COL11A2: variants seen among roughly 807,000 people sequenced by gnomAD.
COL11A2 encodes collagen alpha-2(XI) chain.
In COL11A2, 116 loss-of-function variants were observed where a neutral mutation model predicts 273.4. The ratio of observed to expected loss-of-function variants is 0.42; its 90% confidence interval spans 0.36 to 0.49. The LOEUF (loss-of-function observed/expected upper bound fraction) is 0.49. Among genes scored for constraint, COL11A2 ranks in the 20% least tolerant of loss-of-function variants. The pLI, the probability that COL11A2 is intolerant of heterozygous loss-of-function variation, is 0.00. For synonymous variants in COL11A2, 782 were observed against 864.2 expected (o/e 0.90, Z 1.67); for missense variants, 1,866 against 2,309.0 (o/e 0.81, Z 3.93).
chr6:33,188,884 G>A (rs1349027242), intron 3 of COL11A2, 94 bp downstream of exon 3: 1 of 1,396,778 alleles, frequency 7.2e-7, no homozygotes. Flanking sequence ...GGCCCAAAGG[G>A]TCTCAAGGGT....
Position 33,167,390 on chromosome 6 carries a change from C to T in COL11A2, c.4122+36G>A. ...TGCACCCCTCCCATGGCCCCTCACT[C>T]CCACCCCAGCCCAGCCCTTCCCTGC... On this transcript the variant is annotated intron_variant, in intron 56 of 65. Transcript: ENST00000341947. The surrounding 1 kb of genome is among the most constrained non-coding windows in gnomAD (Gnocchi z 6.1). The T allele has an allele frequency of 6.3e-7, 1 of 1,576,462 alleles. No individual in the cohort carries two copies. Among genetic ancestry groups the T allele is most frequent in the Non-Finnish European group, 8.7e-7 (1 of 1,147,118 alleles).
rs1021370089 is a variant in COL11A2 at position 33,176,246 on chromosome 6, G to C, written c.2214+13C>G. 3.1e-6 allele frequency: 5 copies of C among 1,608,458 alleles called. No individual in the cohort carries two copies. Among genetic ancestry groups the C allele is most frequent in the Non-Finnish European group, 4.2e-6 (5 of 1,177,766 alleles). The stretch of plus-strand genomic sequence containing the variant: ...GGACTGAGGTGCTGGGAAGCTGGGG[G>C]CATGGTGCTCACCTTCTCACCCTTA... On this transcript the variant is annotated intron_variant, in intron 28 of 65. Transcript: ENST00000341947. This position sits in a 1 kb window ranked among gnomAD's most constrained non-coding sequence, Gnocchi z 4.9.
Position 33,167,572 on chromosome 6 carries a change from G to T in COL11A2, c.4015-39C>A, listed in dbSNP as rs764083477. 5 of 1,608,284 alleles carry T rather than the reference G, an allele frequency of 3.1e-6. No individual in the cohort carries two copies. In the Admixed American group the frequency reaches 8.4e-5, roughly 27 times the overall value. The stretch of plus-strand genomic sequence containing the variant: ...AAGGAATGTGTCCTGAATGGCAGAG[G>T]AGTGGGGTGTGGGCAGGGGGCAGAG... On this transcript the variant is annotated intron_variant, in intron 55 of 65. Transcript: ENST00000341947. The surrounding 1 kb of genome is among the most constrained non-coding windows in gnomAD (Gnocchi z 6.1).
Position 33,177,542 on chromosome 6 carries a change from CAGCGATAGCCAAGA to C in COL11A2, c.1918-91_1918-78del, listed in dbSNP as rs1389161937. On this transcript the variant is annotated intron_variant, in intron 22 of 65. Coordinates refer to ENST00000341947, the MANE Select transcript of COL11A2 (RefSeq NM_080680.3). This position sits in a 1 kb window ranked among gnomAD's most constrained non-coding sequence, Gnocchi z 5.9. ...TTTAGAGCATGGAGCTGAGTCCCAGCAGCGATAGCCAAGAAGGCAAGAGCAGGAAGCAGGCAGGG... is the reference window on the plus strand; with the variant it reads ...TTTAGAGCATGGAGCTGAGTCCCAGCAGGCAAGAGCAGGAAGCAGGCAGGG... 5.0e-6 allele frequency: 8 copies of C among 1,588,728 alleles called. No homozygotes were observed. The African/African-American group carries it at 8.1e-5, about 16-fold the overall frequency.
intron 8 of COL11A2, among the ~76,000 whole-genome samples, chr6:33,183,720 CAT>C (rs1772003176): frequency 6.6e-6 from 1 of 152,112 alleles, no homozygotes; most frequent in Non-Finnish European, 1.5e-5. Context: ...AAAAAGGTGA[CAT>C]AGGAAGTTAG....
Position 33,176,412 on chromosome 6 carries a change from C to G in COL11A2, c.2169+21G>C. On this transcript the variant is annotated intron_variant, in intron 27 of 65. Coordinates refer to ENST00000341947, the MANE Select transcript of COL11A2 (RefSeq NM_080680.3). The surrounding 1 kb of genome is among the most constrained non-coding windows in gnomAD (Gnocchi z 4.9). The stretch of plus-strand genomic sequence containing the variant: ...CTCCCCTGACCACAGCCCTTTGTCT[C>G]CCAGCCTGGTGGTCAGTTACCTTGA... 6.2e-7 allele frequency: 1 copy of G among 1,611,886 alleles called. No homozygotes were observed.
In COL11A2 at chr6:33,173,588, G is replaced by GT; in HGVS notation, c.2629-34_2629-33insA. The GT allele has an allele frequency of 8.9e-7, 1 of 1,123,216 alleles. No homozygotes were observed. Among genetic ancestry groups the GT allele is most frequent in the Non-Finnish European group, 1.3e-6 (1 of 776,472 alleles). 69.6% of individuals were successfully genotyped at this position (1,123,216 alleles called of 1,614,324 possible). Reference sequence around the variant, plus strand: ...CAGAGGTGGGGGGAGTCAGGAGAATGGGGGCAGGGGCTGAGTGGGGGAACT... The same window carrying GT: ...CAGAGGTGGGGGGAGTCAGGAGAATGTGGGGCAGGGGCTGAGTGGGGGAACT... On this transcript the variant is annotated intron_variant, in intron 35 of 65. Transcript: ENST00000341947. This position sits in a 1 kb window ranked among gnomAD's most constrained non-coding sequence, Gnocchi z 6.3.
At position 33,176,635 on chromosome 6, in the gene COL11A2, AAT is replaced by A; in HGVS notation, c.2115+84_2115+85del. ...GAGAATGTGGCAGAGCCATATGAAT[AAT>A]GAGACAAGGGAATCCCAAGGACTTT... On this transcript the variant is annotated intron_variant, in intron 26 of 65. Transcript: ENST00000341947. This position sits in a 1 kb window ranked among gnomAD's most constrained non-coding sequence, Gnocchi z 4.9. 6.9e-7 allele frequency: 1 copy of A among 1,440,392 alleles called. No individual in the cohort carries two copies. The highest frequency in any genetic ancestry group is 9.7e-7 in the Non-Finnish European group (1 of 1,033,132). The allele number at this position is 1,440,392 out of a possible 1,614,324, so 89.2% of individuals were successfully genotyped here. A position where few individuals can be genotyped will look rare whatever the true frequency, so the allele number is the denominator to read the frequency against.
Position 33,188,491 on chromosome 6 carries a change from C to G in COL11A2, c.477G>C (p.Gln159His). 1 of 1,613,090 alleles carries G rather than the reference C, an allele frequency of 6.2e-7. No individual in the cohort carries two copies. Among genetic ancestry groups the G allele is most frequent in the South Asian group, 1.1e-5 (1 of 91,086 alleles). The change falls in exon 4 of 66, where the codon CAG (glutamine) becomes CAC (histidine). Residue 159 changes from glutamine (Q) to histidine (H), a missense_variant. Physicochemically the swap from Gln to His is conservative, Grantham distance 24 (BLOSUM62 0). Transcript: ENST00000341947. ...TGCAGTCAACAATGAGGGTGACAGA[C>G]TGGCCCTTCACAGCCACAGCCACAC... ...WHRVAVAVKGQSVTLIVDCKK... is the reference protein window; with the variant it reads ...WHRVAVAVKGHSVTLIVDCKK...
Position 33,164,467 on chromosome 6 carries a change from A to G in COL11A2, c.4870T>C (p.Tyr1624His). 6.5e-7 allele frequency: 1 copy of G among 1,549,620 alleles called. No individual in the cohort carries two copies. Among genetic ancestry groups the G allele is most frequent in the Non-Finnish European group, 8.7e-7 (1 of 1,144,836 alleles). ...ACTGGGGAGCCCTCTGAGTCCACGT[A>G]AGAGAACTGGAAGGAGAGAGAGGGC... ...TPRDDVTQFS[Y>H]VDSEGSPVGV... Residue 1624 changes from tyrosine to histidine, a missense_variant, in exon 65 of 66, where the codon TAC becomes CAC. By Grantham distance (83) the Tyr-to-His change is moderately conservative. Coordinates refer to ENST00000341947, the MANE Select transcript of COL11A2 (RefSeq NM_080680.3). This position sits in a 1 kb window ranked among gnomAD's most constrained non-coding sequence, Gnocchi z 4.7.
rs954747508 is a variant in COL11A2, at chr6:33,170,459, A to G, written c.3529-80T>C. 32 of 1,506,892 alleles carry G rather than the reference A, an allele frequency of 2.1e-5. No individual in the cohort carries two copies. The highest frequency in any genetic ancestry group is 2.9e-5 in the Non-Finnish European group (32 of 1,109,418). 93.3% of individuals were successfully genotyped at this position (1,506,892 alleles called of 1,614,324 possible). A position where few individuals can be genotyped will look rare whatever the true frequency, so the allele number is the denominator to read the frequency against. ...GAATGGTGGAGAGAGGAGGAGGAGC[A>G]GCCAGGCCAGGGAGTTGGCAGTGGG... On this transcript the variant is annotated intron_variant, in intron 47 of 65. Coordinates refer to ENST00000341947, the MANE Select transcript of COL11A2 (RefSeq NM_080680.3). This position sits in a 1 kb window ranked among gnomAD's most constrained non-coding sequence, Gnocchi z 4.3.
At position 33,169,805 on chromosome 6, in the gene COL11A2, A is replaced by C. The variant is rs749633696; in HGVS notation, c.3690+26T>G. On this transcript the variant is annotated intron_variant, in intron 50 of 65. Transcript: ENST00000341947. This position sits in a 1 kb window ranked among gnomAD's most constrained non-coding sequence, Gnocchi z 5.5. ...TTGAGGCGGGTGACGGGGACTGGGG[A>C]GTAAGGCCTTGGAGCTGTCACTCAC... The C allele has an allele frequency of 6.2e-6, 10 of 1,613,774 alleles. No individual in the cohort carries two copies. Among genetic ancestry groups the C allele is most frequent in the Non-Finnish European group, 8.5e-6 (10 of 1,179,812 alleles).
chr6:33,166,889 G>A lies in COL11A2; in HGVS notation c.4231-62C>T. 1.9e-6 allele frequency: 3 copies of A among 1,569,796 alleles called. No individual in the cohort carries two copies. In the South Asian group the frequency reaches 3.4e-5, roughly 18 times the overall value. On this transcript the variant is annotated intron_variant, in intron 58 of 65. Coordinates refer to ENST00000341947, the MANE Select transcript of COL11A2 (RefSeq NM_080680.3). The surrounding 1 kb of genome is among the most constrained non-coding windows in gnomAD (Gnocchi z 4.8). ...AGGAGTCATGTGGATGGGGGAGAAGGGCCAAGAGGACATGGAGAGGGAGCC... is the reference window on the plus strand; with the variant it reads ...AGGAGTCATGTGGATGGGGGAGAAGAGCCAAGAGGACATGGAGAGGGAGCC...
Position 33,189,819 on chromosome 6 carries a change from C to T in COL11A2, c.83-350G>A, listed in dbSNP as rs1164966524. 6.6e-6 allele frequency among the ~76,000 whole-genome samples: 1 copy of T among 152,188 alleles called. No homozygotes were observed. Among genetic ancestry groups the T allele is most frequent in the Non-Finnish European group, 1.5e-5 (1 of 68,030 alleles). ...TCATCTGTCTCCTGTCTCTCTCACTCTCTTACTCTCTCTGTCTCTTTATGT... is the reference window on the plus strand; with the variant it reads ...TCATCTGTCTCCTGTCTCTCTCACTTTCTTACTCTCTCTGTCTCTTTATGT... On this transcript the variant is annotated intron_variant, in intron 1 of 65. Transcript: ENST00000341947. This position sits in a 1 kb window ranked among gnomAD's most constrained non-coding sequence, Gnocchi z 5.6.
In COL11A2 at chr6:33,173,056, C is replaced by A; in HGVS notation, c.2790+4G>T. The stretch of plus-strand genomic sequence containing the variant: ...GGTCCATTCTCTCCTAGGGACAAAC[C>A]TACCTGAGGTCCCACCACTCCTGGA... On this transcript the variant is annotated splice_donor_region_variant and intron_variant, in intron 38 of 65. Transcript: ENST00000341947. This position sits in a 1 kb window ranked among gnomAD's most constrained non-coding sequence, Gnocchi z 6.3. 1.2e-6 allele frequency: 2 copies of A among 1,612,596 alleles called. No homozygotes were observed. Among genetic ancestry groups the A allele is most frequent in the Non-Finnish European group, 1.7e-6 (2 of 1,179,808 alleles).
At position 33,179,709 on chromosome 6, in the gene COL11A2, C is replaced by A. The variant is rs1771469678; in HGVS notation, c.1446+10G>T. ...GAGCCTTCCCTTTCCAGGGAAGCAGCCCCACTCACCCTCGCCTGCTGCAGG... is the reference window on the plus strand; with the variant it reads ...GAGCCTTCCCTTTCCAGGGAAGCAGACCCACTCACCCTCGCCTGCTGCAGG... On this transcript the variant is annotated intron_variant, in intron 13 of 65. Transcript: ENST00000341947. The surrounding 1 kb of genome is among the most constrained non-coding windows in gnomAD (Gnocchi z 6.4). 3 of 1,611,252 alleles carry A rather than the reference C, an allele frequency of 1.9e-6. No homozygotes were observed. The highest frequency in any genetic ancestry group is 2.5e-6 in the Non-Finnish European group (3 of 1,179,868).
rs201642192 is a variant in COL11A2, at chr6:33,167,094, G to T, written c.4206C>A (p.Gly1402=). Residue 1402 remains glycine (G), a synonymous_variant, in exon 58 of 66, where the codon GGC becomes GGA. Transcript: ENST00000341947. This position sits in a 1 kb window ranked among gnomAD's most constrained non-coding sequence, Gnocchi z 6.1. ...VGPPGLPGLR[G]DAGAKGEKGH... Reference sequence around the variant, plus strand: ...CCTTCTCTCCCTTGGCTCCAGCATCGCCCCGGAGACCAGGCAGCCCTGGGG... The same window carrying T: ...CCTTCTCTCCCTTGGCTCCAGCATCTCCCCGGAGACCAGGCAGCCCTGGGG... 1.5e-5 allele frequency: 24 copies of T among 1,613,858 alleles called. No individual in the cohort carries two copies. The highest frequency in any genetic ancestry group is 2.0e-5 in the Non-Finnish European group (24 of 1,179,992).
Position 33,171,523 on chromosome 6 carries a change from C to T in COL11A2, c.3202G>A (p.Val1068Met), listed in dbSNP as rs1583311708. 1 of 1,614,138 alleles carries T rather than the reference C, an allele frequency of 6.2e-7. No homozygotes were observed. Among genetic ancestry groups the T allele is most frequent in the South Asian group, 1.1e-5 (1 of 91,084 alleles). The change falls in exon 43 of 66, where the codon GTG (valine) becomes ATG (methionine). Residue 1068 changes from valine (V) to methionine (M), a missense_variant. Transcript: ENST00000341947. Reference sequence around the variant, plus strand: ...GGCCCAGCAGGACCAGGAAGCCCCACAGGACCCTGCACTCCATCTCGGCCA... The same window carrying T: ...GGCCCAGCAGGACCAGGAAGCCCCATAGGACCCTGCACTCCATCTCGGCCA... Reference protein sequence around the residue: ...PTGRDGVQGPVGLPGPAGPPG... With the variant: ...PTGRDGVQGPMGLPGPAGPPG...
At position 33,171,136 on chromosome 6, in the gene COL11A2, G is replaced by A; in HGVS notation, c.3344C>T (p.Pro1115Leu). ...GPPGPPGPIG[P>L]VGQPGAAGAD... ...CACCGCTGCTCCAGGCTGCCCCACA[G>A]GACCAATGGGTCCAGGGGGTCCAGG... is the stretch of plus-strand genomic sequence containing the variant. Residue 1115 changes from proline to leucine, a missense_variant, in exon 45 of 66, where the codon CCT becomes CTT. Coordinates refer to ENST00000341947, the MANE Select transcript of COL11A2 (RefSeq NM_080680.3). 6.3e-7 allele frequency: 1 copy of A among 1,593,190 alleles called. No homozygotes were observed. The highest frequency in any genetic ancestry group is 8.6e-7 in the Non-Finnish European group (1 of 1,168,982).
Sources: allele counts gnomAD v4.1 joint callset (sites outside exome capture counted in the v4.1 genomes callset), GRCh38; gene constraint gnomAD v4.1.1; non-coding constraint Gnocchi (gnomAD v3.1); transcripts MANE v1.5; gene names NCBI Gene and HGNC (gene_info 2026-07-23, HGNC 2026-07-21).